NTRK1: variants seen among roughly 807,000 people sequenced by gnomAD.
The protein encoded by NTRK1 is neurotrophic receptor tyrosine kinase 1.
NTRK1 carries 62 observed loss-of-function variants against 86.8 expected under a neutral mutation model. The ratio of observed to expected loss-of-function variants is 0.71; its 90% confidence interval spans 0.58 to 0.88. The LOEUF (loss-of-function observed/expected upper bound fraction) is 0.88, where lower values mean the gene tolerates loss of function less well. NTRK1 is among the 40% of genes least tolerant of loss of function. NTRK1 has a pLI of 0.00. For synonymous variants in NTRK1, 469 were observed against 456.6 expected (o/e 1.03, Z -0.35); for missense variants, 967 against 1,078.4 (o/e 0.90, Z 1.45).
At chr1:156,820,873 G>A (rs1654168643) in intron 1 of NTRK1, among the ~76,000 whole-genome samples, 1 of 152,246 alleles carries the variant, frequency 6.6e-6, no homozygotes, top group South Asian at 2.1e-4. Flanking sequence ...ATTGCTTTGG[G>A]CAGTATGGTC....
In NTRK1 at chr1:156,868,174, C is replaced by T. The variant is rs1409227394; in HGVS notation, c.499C>T (p.Leu167=). The T allele has an allele frequency of 6.2e-7, 1 of 1,613,818 alleles. No individual in the cohort carries two copies. Among genetic ancestry groups the T allele is most frequent in the South Asian group, 1.1e-5 (1 of 91,088 alleles). The change falls in exon 5 of 17, where the codon CTG becomes TTG. Residue 167 remains leucine, a synonymous_variant. Coordinates refer to ENST00000524377, the MANE Select transcript of NTRK1 (RefSeq NM_002529.4). Reference sequence around the variant, plus strand: ...GCTACAGCGCTGGGAGGAGGAGGGACTGGGCGGAGTGCCTGAACAGAAGCT... The same window carrying T: ...GCTACAGCGCTGGGAGGAGGAGGGATTGGGCGGAGTGCCTGAACAGAAGCT... The part of the protein sequence containing the change: ...RWLQRWEEEG[L]GGVPEQKLQC...
At chr1:156,844,382 G>A in intron 2 of NTRK1, 1 of 1,564,380 alleles carries the variant, frequency 6.4e-7, no homozygotes, top group Non-Finnish European at 8.7e-7. Context: ...GGGGAGGGAT[G>A]CGGGGGAGGG....
intron 2 of NTRK1, chr1:156,844,681 G>T: frequency 6.2e-7 from 1 of 1,614,084 alleles, no homozygotes; most frequent in Non-Finnish European, 8.5e-7. Flanking sequence ...AAACGGGGCT[G>T]GGACGGGGGT....
At chr1:156,849,687 A>G (rs1655136523) in intron 2 of NTRK1, among the ~76,000 whole-genome samples, 1 of 152,116 alleles carries the variant, frequency 6.6e-6, no homozygotes, top group Non-Finnish European at 1.5e-5. Flanking sequence ...TTTCCTCATC[A>G]GTGAAATGGG....
intron 1 of NTRK1, 127 bp downstream of exon 1, chr1:156,861,273 G>C: frequency 9.4e-7 from 1 of 1,066,058 alleles, no homozygotes; most frequent in Non-Finnish European, 1.3e-6. Flanking sequence ...GCACCACGCA[G>C]CCTTCGGCGC....
chr1:156,861,280 G>C (rs529985294), intron 1 of NTRK1, 134 bp downstream of exon 1: 5 of 1,017,590 alleles, frequency 4.9e-6, no homozygotes, highest in African/African-American at 6.1e-5. Context: ...GCAGCCTTCG[G>C]CGCTGCCCGG....
upstream of NTRK1, chr1:156,860,785 A>T: frequency 7.6e-7 from 1 of 1,311,626 alleles, no homozygotes; most frequent in African/African-American, 1.6e-5. Flanking sequence ...AAGAGGGGCA[A>T]GGCGGGGCCG....
At position 156,842,443 on chromosome 1, in the gene NTRK1, A is replaced by G. The variant is rs143355682; in HGVS notation, c.50+250A>G. ...ATCGAAGATGGCTCTTGAGGTCCCC[A>G]CGGGTCATTAACTCCATGATGACCA... On this transcript the variant is annotated intron_variant, in intron 2 of 16. Coordinates refer to the NTRK1 transcript ENST00000392302. The G allele has an allele frequency of 1.1e-5, 18 of 1,613,928 alleles. No individual in the cohort carries two copies. The Admixed American group carries it at 3.0e-4, about 27-fold the overall frequency.
At position 156,880,009 on chromosome 1, in the gene NTRK1, G is replaced by A. The variant is rs754452975; in HGVS notation, c.2057G>A (p.Arg686His). The change falls in exon 16 of 17, where the codon CGC becomes CAC. Residue 686 changes from arginine to histidine, a missense_variant. Arg to His is a conservative substitution (Grantham distance 29). Transcript: ENST00000524377. ...YSTDYYRVGG[R>H]TMLPIRWMPP... ...GTCCGCCCGTGGCAGGTGGGAGGCC[G>A]CACCATGCTGCCCATTCGCTGGATG... 6.1e-5 allele frequency: 98 copies of A among 1,612,744 alleles called. No homozygotes were observed. Among genetic ancestry groups the A allele is most frequent in the Non-Finnish European group, 7.7e-5 (91 of 1,179,960 alleles).
At position 156,854,930 on chromosome 1, in the gene NTRK1, G is replaced by A. The variant is rs79831687; in HGVS notation, c.51-9424G>A. On this transcript the variant is annotated intron_variant, in intron 2 of 16. Transcript: ENST00000392302. The surrounding 1 kb of genome is among the most constrained non-coding windows in gnomAD (Gnocchi z 4.2). ...ACTACAGCCTACAGGGCCCTGCACA[G>A]TTTGAGCCCTTGTAGCCTCTCTGAT... Among the ~76,000 whole-genome samples the A allele has an allele frequency of 0.031, 4,701 of 152,218 alleles. 235 individuals are homozygous for A. Among genetic ancestry groups the A allele is most frequent in the African/African-American group, 0.11 (4,412 of 41,504 alleles).
Position 156,840,808 on chromosome 1 carries a change from C to T in NTRK1, c.-63-1273C>T. On this transcript the variant is annotated intron_variant, in intron 1 of 16. Coordinates refer to the NTRK1 transcript ENST00000392302. The stretch of plus-strand genomic sequence containing the variant: ...GGTGGGGGTGAACATTCAGGCGTCT[C>T]AGCCACAGAGGTCGGGTCCCTTCCT... The T allele has an allele frequency of 3.9e-6, 5 of 1,275,218 alleles. No individual in the cohort carries two copies. In the South Asian group the frequency reaches 6.3e-5, roughly 16 times the overall value. The allele number at this position is 1,275,218 out of a possible 1,614,324, so 79.0% of individuals were successfully genotyped here. A position where few individuals can be genotyped will look rare whatever the true frequency, so the allele number is the denominator to read the frequency against.
rs80356675 is a variant in NTRK1, at chr1:156,876,426, TC to T, written c.1660del (p.Arg554GlyfsTer104). On this transcript the variant is annotated frameshift_variant, in exon 14 of 17. Coordinates refer to ENST00000524377, the MANE Select transcript of NTRK1 (RefSeq NM_002529.4). LOFTEE classifies it high-confidence loss of function. The stretch of plus-strand genomic sequence containing the variant: ...CACTGAAGGAGGCGTCCGAGAGTGC[TC>T]GGCAGGACTTCCAGCGTGAGGCTGA... The part of the protein sequence containing the change: ...KALKEASESA[R>X]QDFQREAELL... 12 of 1,613,838 alleles carry T rather than the reference TC, an allele frequency of 7.4e-6. No individual in the cohort carries two copies. The East Asian group carries it at 2.7e-4, about 36-fold the overall frequency.
intron 1 of NTRK1, among the ~76,000 whole-genome samples, chr1:156,819,514 T>TTATTTA (rs1328205441): frequency 2.0e-5 from 3 of 151,272 alleles, no homozygotes; most frequent in African/African-American, 7.3e-5. Context: ...TTTTTTATTT[T>TTATTTA]TATTTTTATT....
intron 2 of NTRK1, among the ~76,000 whole-genome samples, chr1:156,852,603 G>A (rs927480953): frequency 1.3e-5 from 2 of 152,184 alleles, no homozygotes; most frequent in Non-Finnish European, 2.9e-5. Context: ...GGGAGGGGCC[G>A]ACATCTGTCG....
intron 2 of NTRK1, chr1:156,852,151 G>A (rs376798720): frequency 3.7e-6 from 6 of 1,609,916 alleles, no homozygotes; most frequent in Non-Finnish European, 5.1e-6. Context: ...GGCAGCACTC[G>A]CCCCTCGCTG....
chr1:156,859,886 C>T (rs765130270), upstream of NTRK1, among the ~76,000 whole-genome samples: 1 of 152,132 alleles, frequency 6.6e-6, no homozygotes, highest in Non-Finnish European at 1.5e-5. The surrounding 1 kb of genome is among the most constrained non-coding windows in gnomAD (Gnocchi z 6.2). Context: ...GTTAGTGCAG[C>T]CACGGAGGCT....
chr1:156,854,565 C>A lies in NTRK1; in HGVS notation c.51-9789C>A, dbSNP rs373109448. ...CCCATCTCCCCTTCTTGGTTAATAG[C>A]GACTTCATTCTTGCAGTCAGGCTCC... On this transcript the variant is annotated intron_variant, in intron 2 of 16. Coordinates refer to the NTRK1 transcript ENST00000392302. This position sits in a 1 kb window ranked among gnomAD's most constrained non-coding sequence, Gnocchi z 4.2. Among the ~76,000 whole-genome samples, 1 of 152,186 alleles carries A rather than the reference C, an allele frequency of 6.6e-6. No homozygotes were observed. The highest frequency in any genetic ancestry group is 1.5e-5 in the Non-Finnish European group (1 of 68,018).
At chr1:156,879,021 A>T (rs2102923538) in intron 14 of NTRK1, 101 bp from the exon 15 acceptor site, 1 of 1,388,858 alleles carries the variant, frequency 7.2e-7, no homozygotes, top group Admixed American at 1.9e-5. Flanking sequence ...CCAGGTCCCC[A>T]GTCTCCTCTC....
intron 15 of NTRK1, among the ~76,000 whole-genome samples, 168 bp from the exon 16 acceptor site, chr1:156,879,831 G>A (rs1354833261): frequency 6.6e-6 from 1 of 152,010 alleles, no homozygotes; most frequent in South Asian, 2.1e-4. Context: ...GGATGGTCTC[G>A]ATCTCCTGAC....
Sources: allele counts gnomAD v4.1 joint callset (sites outside exome capture counted in the v4.1 genomes callset), GRCh38; gene constraint gnomAD v4.1.1; non-coding constraint Gnocchi (gnomAD v3.1); transcripts MANE v1.5; gene names NCBI Gene and HGNC (gene_info 2026-07-23, HGNC 2026-07-21).